The following PLCXD3 variants were observed in gnomAD, a reference collection of about 807,000 sequenced individuals.
The protein encoded by PLCXD3 is phosphatidylinositol specific phospholipase C X domain containing 3.
A neutral mutation model predicts 25.5 loss-of-function variants in PLCXD3; 19 were observed. The ratio of observed to expected loss-of-function variants is 0.75; its 90% confidence interval spans 0.52 to 1.09. The LOEUF is 1.09. Among genes scored for constraint, PLCXD3 ranks in the 50% least tolerant of loss-of-function variants. The pLI is 0.00. For synonymous variants in PLCXD3, 174 were observed against 137.6 expected (o/e 1.26, Z -1.85); for missense variants, 411 against 388.1 (o/e 1.06, Z -0.50).
intron 2 of PLCXD3, among the ~76,000 whole-genome samples, chr5:41,352,097 C>A (rs1270518390): frequency 2.0e-5 from 3 of 151,960 alleles, no homozygotes; most frequent in Non-Finnish European, 4.4e-5. Flanking sequence ...TGGCCTATCA[C>A]CCACATATTT....
intron 1 of PLCXD3, among the ~76,000 whole-genome samples, chr5:41,483,293 A>G (rs909909452): frequency 6.6e-6 from 1 of 152,198 alleles, no homozygotes; most frequent in African/African-American, 2.4e-5. Context: ...AGATCAGGTG[A>G]AACAGAGAAT....
intron 1 of PLCXD3, among the ~76,000 whole-genome samples, chr5:41,389,189 G>T (rs1332810955): frequency 6.6e-6 from 1 of 151,978 alleles, no homozygotes; most frequent in Non-Finnish European, 1.5e-5. Flanking sequence ...ATGTGCTGGT[G>T]ATTTGAGATA....
intron 1 of PLCXD3, among the ~76,000 whole-genome samples, chr5:41,461,029 A>G (rs1747860468): frequency 6.6e-6 from 1 of 151,954 alleles, no homozygotes; most frequent in African/African-American, 2.4e-5. Flanking sequence ...ACAATTTATT[A>G]TTTTCTGATA....
At chr5:41,432,744 CAACT>C (rs1324000779) in intron 1 of PLCXD3, among the ~76,000 whole-genome samples, 1 of 152,106 alleles carries the variant, frequency 6.6e-6, no homozygotes, top group Non-Finnish European at 1.5e-5. Flanking sequence ...TTTAATAATG[CAACT>C]AACAGATAAA....
At chr5:41,508,330 C>T (rs925276235) in intron 1 of PLCXD3, among the ~76,000 whole-genome samples, 2 of 152,186 alleles carry the variant, frequency 1.3e-5, no homozygotes, top group Non-Finnish European at 2.9e-5. Context: ...TTTCTTAACC[C>T]TGGTTAGTCA....
rs145913958 is a variant in PLCXD3, at chr5:41,477,536, T to A, written c.103+32888A>T. ...TTAAAGAGTACATCAAAGAATCAGGTGCATATTTTCACAGCTCCTTGGTCT... is the reference window on the plus strand; with the variant it reads ...TTAAAGAGTACATCAAAGAATCAGGAGCATATTTTCACAGCTCCTTGGTCT... On this transcript the variant is annotated intron_variant, in intron 1 of 2. Transcript: ENST00000377801. Among the ~76,000 whole-genome samples the A allele has an allele frequency of 7.2e-3, 1,097 of 152,192 alleles. 20 individuals are homozygous for A. Among genetic ancestry groups the A allele is most frequent in the African/African-American group, 0.025 (1,043 of 41,508 alleles).
chr5:41,319,074 A>G (rs1020714863), intron 2 of PLCXD3, among the ~76,000 whole-genome samples: 2 of 152,206 alleles, frequency 1.3e-5, no homozygotes, highest in Admixed American at 1.3e-4. Flanking sequence ...TAGCAATTGT[A>G]AATATATATG....
At position 41,478,278 on chromosome 5, in the gene PLCXD3, C is replaced by T. The variant is rs552570951; in HGVS notation, c.103+32146G>A. Among the ~76,000 whole-genome samples, 21 of 152,274 alleles carry T rather than the reference C, an allele frequency of 1.4e-4. No individual in the cohort carries two copies. The East Asian group carries it at 1.7e-3, about 13-fold the overall frequency. On this transcript the variant is annotated intron_variant, in intron 1 of 2. Transcript: ENST00000377801. ...GTTAGCTGAGCAACAAAGGGCTTGACATAGATACTAAATAAGCAACCATAA... is the reference window on the plus strand; with the variant it reads ...GTTAGCTGAGCAACAAAGGGCTTGATATAGATACTAAATAAGCAACCATAA...
At chr5:41,482,412 G>A (rs1227753469) in intron 1 of PLCXD3, among the ~76,000 whole-genome samples, 2 of 152,098 alleles carry the variant, frequency 1.3e-5, no homozygotes, top group Non-Finnish European at 2.9e-5. Flanking sequence ...TACAAATCTA[G>A]GAAGAGAGTT....
intron 1 of PLCXD3, among the ~76,000 whole-genome samples, chr5:41,490,522 C>T (rs1748639007): frequency 6.6e-6 from 1 of 152,156 alleles, no homozygotes; most frequent in Non-Finnish European, 1.5e-5. Flanking sequence ...ACCAGTTCCT[C>T]CTTGTACCTC....
intron 2 of PLCXD3, among the ~76,000 whole-genome samples, chr5:41,361,451 A>G (rs1211743418): frequency 6.6e-6 from 1 of 152,220 alleles, no homozygotes; most frequent in Non-Finnish European, 1.5e-5. Context: ...ATGTCCCTGC[A>G]GTAGTTCTTG....
intron 2 of PLCXD3, among the ~76,000 whole-genome samples, chr5:41,364,686 T>C (rs161086): frequency 0.92 from 139,556 of 152,172 alleles, 64,415 homozygotes; most frequent in African/African-American, 0.96. Flanking sequence ...TCCTTTCTCA[T>C]TACAAAATTG....
At position 41,374,390 on chromosome 5, in the gene PLCXD3, C is replaced by G. The variant is rs147414605; in HGVS notation, c.812+7436G>C. Among the ~76,000 whole-genome samples the G allele has an allele frequency of 7.8e-4, 119 of 152,230 alleles. 2 individuals are homozygous for G. Among genetic ancestry groups the G allele is most frequent in the Middle Eastern group, 6.8e-3 (2 of 294 alleles). On this transcript the variant is annotated intron_variant, in intron 2 of 2. Coordinates refer to ENST00000377801, the MANE Select transcript of PLCXD3 (RefSeq NM_001005473.3). ...CCTTTTGATTTACAAGCCAGAATCC[C>G]CTTTCTAGTGTTTCAAAAAGATTCT...
At chr5:41,394,124 CA>C (rs1044239747) in intron 1 of PLCXD3, among the ~76,000 whole-genome samples, 4 of 151,806 alleles carry the variant, frequency 2.6e-5, no homozygotes, top group African/African-American at 9.7e-5. Flanking sequence ...TAAATAGAAA[CA>C]ACAAAAAGTT....
intron 1 of PLCXD3, among the ~76,000 whole-genome samples, chr5:41,452,373 A>G (rs2150514535): frequency 6.6e-6 from 1 of 152,188 alleles, no homozygotes; most frequent in Middle Eastern, 3.4e-3. Flanking sequence ...ATGTTTCAAA[A>G]GGAATGTTTG....
At chr5:41,322,128 C>A (rs1251567878) in intron 2 of PLCXD3, among the ~76,000 whole-genome samples, 1 of 152,130 alleles carries the variant, frequency 6.6e-6, no homozygotes, top group African/African-American at 2.4e-5. Flanking sequence ...ATACAATCAA[C>A]AAAGTGAAGA....
At chr5:41,475,352 A>ACCCTATCTGT (rs1158801759) in intron 1 of PLCXD3, among the ~76,000 whole-genome samples, 1 of 151,886 alleles carries the variant, frequency 6.6e-6, no homozygotes, top group African/African-American at 2.4e-5. Flanking sequence ...TCCCTATAGG[A>ACCCTATCTGT]CCCTATCTGT....
intron 1 of PLCXD3, among the ~76,000 whole-genome samples, chr5:41,477,062 T>C (rs1748298972): frequency 6.6e-6 from 1 of 152,198 alleles, no homozygotes; most frequent in Non-Finnish European, 1.5e-5. Flanking sequence ...TAAATTGTTT[T>C]TCTAGCCCTG....
intron 2 of PLCXD3, among the ~76,000 whole-genome samples, chr5:41,324,382 G>A (rs1298870899): frequency 6.6e-6 from 1 of 151,994 alleles, no homozygotes; most frequent in Non-Finnish European, 1.5e-5. Context: ...ACTAATCCCC[G>A]GCTAGTACCT....
Sources: allele counts gnomAD v4.1 joint callset (sites outside exome capture counted in the v4.1 genomes callset), GRCh38; gene constraint gnomAD v4.1.1; transcripts MANE v1.5; gene names NCBI Gene and HGNC (gene_info 2026-07-23, HGNC 2026-07-21).